LMNA: variants seen among roughly 807,000 people sequenced by gnomAD.
LMNA encodes lamin.
Under a neutral mutation model 70.4 loss-of-function variants are expected in LMNA, and 20 were observed. The ratio of observed to expected loss-of-function variants is 0.28; its 90% confidence interval spans 0.20 to 0.41. The LOEUF is 0.41. Ranked by LOEUF, LMNA falls within the 10% of genes least tolerant of loss-of-function variation. The pLI is 1.00. For synonymous variants in LMNA, 339 were observed against 372.8 expected, an observed-to-expected ratio of 0.91 and a Z score of 1.04; for missense variants, 652 against 917.2, an observed-to-expected ratio of 0.71 and a Z score of 3.73.
At chr1:156,120,352 T>A (rs1237963836) in intron 1 of LMNA, among the ~76,000 whole-genome samples, 1 of 152,162 alleles carries the variant, frequency 6.6e-6, no homozygotes, top group African/African-American at 2.4e-5. Context: ...GGAGGGAGGA[T>A]CTAGAGGGTG....
intron 3 of LMNA, among the ~76,000 whole-genome samples, chr1:156,101,617 AGGAAGGAC>A (rs1204711849): frequency 2.3e-4 from 20 of 87,204 alleles, no homozygotes; most frequent in African/African-American, 7.2e-4. Flanking sequence ...TTACCCAGGA[AGGAAGGAC>A]GGAAGGAAGG....
At chr1:156,120,151 A>G (rs1422680638) in intron 1 of LMNA, among the ~76,000 whole-genome samples, 1 of 152,216 alleles carries the variant, frequency 6.6e-6, no homozygotes, top group African/African-American at 2.4e-5. Flanking sequence ...CCCAGTGTGG[A>G]CAGGCAGGGA....
Position 156,137,298 on chromosome 1 carries a change from G to A in LMNA, c.1608+66G>A. 1 of 1,534,948 alleles carries A rather than the reference G, an allele frequency of 6.5e-7. No homozygotes were observed. Among genetic ancestry groups the A allele is most frequent in the Non-Finnish European group, 8.7e-7 (1 of 1,145,976 alleles). On this transcript the variant is annotated intron_variant, in intron 9 of 11. Coordinates refer to ENST00000368300, the MANE Select transcript of LMNA (RefSeq NM_170707.4). This position sits in a 1 kb window ranked among gnomAD's most constrained non-coding sequence, Gnocchi z 4.6. Reference sequence around the variant, plus strand: ...CCCCTGATGGCCAACATCGGAGCCAGCTGCCCCCAACCCAAGTTTGCCAAT... The same window carrying A: ...CCCCTGATGGCCAACATCGGAGCCAACTGCCCCCAACCCAAGTTTGCCAAT...
chr1:156,111,179 A>G (rs1449710403), upstream of LMNA, among the ~76,000 whole-genome samples: 3 of 151,372 alleles, frequency 2.0e-5, no homozygotes, highest in African/African-American at 7.3e-5. Context: ...GGCCTGGTGC[A>G]GTGGCTCATG....
At chr1:156,101,711 G>A (rs1367457438) in intron 3 of LMNA, among the ~76,000 whole-genome samples, 1 of 152,122 alleles carries the variant, frequency 6.6e-6, no homozygotes, top group Non-Finnish European at 1.5e-5. Context: ...AAGGATGGGA[G>A]CAGAGGCAAG....
chr1:156,088,931 C>T (rs1648586936), intron 2 of LMNA, among the ~76,000 whole-genome samples: 2 of 152,178 alleles, frequency 1.3e-5, no homozygotes, highest in African/African-American at 2.4e-5. Flanking sequence ...ATATTATAGG[C>T]GTGAGCCACC....
chr1:156,084,610 T>A (rs1648413371), intron 2 of LMNA, among the ~76,000 whole-genome samples: 1 of 152,102 alleles, frequency 6.6e-6, no homozygotes, highest in African/African-American at 2.4e-5. Flanking sequence ...CCCAGGAACC[T>A]GGATTGCAGA....
At chr1:156,101,636 A>AGGGAGGGAGGG (rs1558110244) in intron 3 of LMNA, among the ~76,000 whole-genome samples, 1 of 101,922 alleles carries the variant, frequency 9.8e-6, no homozygotes, top group Non-Finnish European at 1.9e-5. Flanking sequence ...GGAAGGAAGG[A>AGGGAGGGAGGG]AGGGAGGGAG....
At position 156,139,776 on chromosome 1, in the gene LMNA, G is replaced by A; in HGVS notation, c.*670G>A. The A allele has an allele frequency of 6.5e-7, 1 of 1,534,474 alleles. No individual in the cohort carries two copies. On this transcript the variant is annotated 3_prime_UTR_variant, in exon 12 of 12. Transcript: ENST00000368300. ...TTTTCTGTATTTTATTTAGACAAGAGATGGGAATGAGGTGGGAGGTGGAAG... is the reference window on the plus strand; with the variant it reads ...TTTTCTGTATTTTATTTAGACAAGAAATGGGAATGAGGTGGGAGGTGGAAG...
Position 156,138,053 on chromosome 1 carries a change from C to T in LMNA, c.1698+310C>T. The T allele has an allele frequency of 5.4e-6, 3 of 556,670 alleles. No homozygotes were observed. In the South Asian group the frequency reaches 6.2e-5, roughly 12 times the overall value. 34.5% of individuals were successfully genotyped at this position (556,670 alleles called of 1,614,324 possible). A position where few individuals can be genotyped will look rare whatever the true frequency, so the allele number is the denominator to read the frequency against. Reference sequence around the variant, plus strand: ...AAGGGAGGGGAGGACAGACGTGGGGCATGCCCGCCCTGCCTCTCTCCCCCA... The same window carrying T: ...AAGGGAGGGGAGGACAGACGTGGGGTATGCCCGCCCTGCCTCTCTCCCCCA... On this transcript the variant is annotated intron_variant, in intron 10 of 11. Transcript: ENST00000368300. This position sits in a 1 kb window ranked among gnomAD's most constrained non-coding sequence, Gnocchi z 5.5.
rs1258091583 is a variant in LMNA, at chr1:156,134,385, C to G, written c.514-18C>G. On this transcript the variant is annotated intron_variant, in intron 2 of 11. Coordinates refer to ENST00000368300, the MANE Select transcript of LMNA (RefSeq NM_170707.4). This position sits in a 1 kb window ranked among gnomAD's most constrained non-coding sequence, Gnocchi z 5.3. The stretch of plus-strand genomic sequence containing the variant: ...GTTCTGTGACCCCTTTTCCTCATCT[C>G]TGCCTGCTTCCTCACAGCTTGAGGC... 6.2e-7 allele frequency: 1 copy of G among 1,613,792 alleles called. No individual in the cohort carries two copies. The highest frequency in any genetic ancestry group is 8.5e-7 in the Non-Finnish European group (1 of 1,179,966).
At chr1:156,114,358 C>T (rs987550416), upstream of LMNA, among the ~76,000 whole-genome samples, 2 of 152,214 alleles carry the variant, frequency 1.3e-5, no homozygotes, top group African/African-American at 4.8e-5. Flanking sequence ...CTACCTGACC[C>T]TCTCCCTTGC....
chr1:156,104,389 G>A (rs1649249188), intron 3 of LMNA, among the ~76,000 whole-genome samples: 1 of 152,160 alleles, frequency 6.6e-6, no homozygotes, highest in Non-Finnish European at 1.5e-5. Flanking sequence ...CTGGAGCACT[G>A]GCGTCAGCCG....
intron 1 of LMNA, among the ~76,000 whole-genome samples, chr1:156,124,297 C>T (rs502488): frequency 0.1 from 15,721 of 150,592 alleles, 1,492 homozygotes; most frequent in African/African-American, 0.25. Context: ...CTCTCTCTCT[C>T]TTTTTTTTTG....
At position 156,126,876 on chromosome 1, in the gene LMNA, C is replaced by T. The variant is rs770340403; in HGVS notation, c.357-3741C>T. On this transcript the variant is annotated intron_variant, in intron 1 of 11. Coordinates refer to ENST00000368300, the MANE Select transcript of LMNA (RefSeq NM_170707.4). ...ACTGGCACTCTGCTGGCACAGCACC[C>T]GGCCTGGGGCAGGACACGGGCGAAG... 1.4e-5 allele frequency: 23 copies of T among 1,611,268 alleles called. No individual in the cohort carries two copies. Among genetic ancestry groups the T allele is most frequent in the Admixed American group, 3.3e-5 (2 of 59,806 alleles).
At chr1:156,084,109 T>C (rs930093768) in intron 2 of LMNA, among the ~76,000 whole-genome samples, 9 of 152,120 alleles carry the variant, frequency 5.9e-5, no homozygotes, top group African/African-American at 2.2e-4. Flanking sequence ...TGGTAAGGTG[T>C]CCTTTTCTGG....
rs267607645 is a variant in LMNA at position 156,135,890 on chromosome 1, C to A, written c.937-11C>A. 1.4e-5 allele frequency: 23 copies of A among 1,611,088 alleles called. No individual in the cohort carries two copies. The highest frequency in any genetic ancestry group is 2.0e-5 in the Non-Finnish European group (23 of 1,178,144). On this transcript the variant is annotated splice_polypyrimidine_tract_variant and intron_variant, in intron 5 of 11. Coordinates refer to ENST00000368300, the MANE Select transcript of LMNA (RefSeq NM_170707.4). This position sits in a 1 kb window ranked among gnomAD's most constrained non-coding sequence, Gnocchi z 4.8. ...CTTGGGAGCTCACCAAACCCTCCCACCCCCCTTCAGCTGGCAGCCAAGGAG... is the reference window on the plus strand; with the variant it reads ...CTTGGGAGCTCACCAAACCCTCCCAACCCCCTTCAGCTGGCAGCCAAGGAG...
Position 156,115,332 on chromosome 1 carries a change from C to A in LMNA, c.356+58C>A. On this transcript the variant is annotated intron_variant, in intron 1 of 11. Coordinates refer to ENST00000368300, the MANE Select transcript of LMNA (RefSeq NM_170707.4). This position sits in a 1 kb window ranked among gnomAD's most constrained non-coding sequence, Gnocchi z 5.8. Reference sequence around the variant, plus strand: ...GGGAGTGGAGAGGGCGGCGGGCCGGCGCCCCTGGCCGGCCGCAGGAAGGGA... The same window carrying A: ...GGGAGTGGAGAGGGCGGCGGGCCGGAGCCCCTGGCCGGCCGCAGGAAGGGA... 1 of 1,469,772 alleles carries A rather than the reference C, an allele frequency of 6.8e-7. No individual in the cohort carries two copies. The highest frequency in any genetic ancestry group is 9.3e-7 in the Non-Finnish European group (1 of 1,080,850). The allele number at this position is 1,469,772 out of a possible 1,614,324, so 91.0% of individuals were successfully genotyped here.
At chr1:156,126,874 C>G (rs1422632827) in intron 1 of LMNA, 1 of 1,611,654 alleles carries the variant, frequency 6.2e-7, no homozygotes, top group Non-Finnish European at 8.5e-7. Context: ...TGGCACAGCA[C>G]CCGGCCTGGG....
Sources: allele counts gnomAD v4.1 joint callset (sites outside exome capture counted in the v4.1 genomes callset), GRCh38; gene constraint gnomAD v4.1.1; non-coding constraint Gnocchi (gnomAD v3.1); transcripts MANE v1.5; gene names NCBI Gene and HGNC (gene_info 2026-07-23, HGNC 2026-07-21).